Variants in BDH2 observed in about 807,000 individuals in gnomAD.
The protein encoded by BDH2 is 3-hydroxybutyrate dehydrogenase 2.
BDH2 carries 24 observed loss-of-function variants against 33.2 expected under a neutral mutation model. The ratio of observed to expected loss-of-function variants is 0.72; its 90% CI spans 0.52 to 1.02. BDH2 has a LOEUF of 1.02. BDH2 is among the 50% of genes least tolerant of loss of function. BDH2 has a pLI of 0.00. For synonymous variants in BDH2, 81 were observed against 101.6 expected (o/e 0.80, Z 1.22); for missense variants, 249 against 301.6 (o/e 0.83, Z 1.29).
chr4:103,091,718 C>T (rs1748103415), intron 4 of BDH2: 1 of 455,936 alleles, frequency 2.2e-6, no homozygotes. Context: ...GCCCTCTAGC[C>T]TGGGGAACCA....
At chr4:103,089,338 G>A (rs736048) in intron 5 of BDH2, among the ~76,000 whole-genome samples, 30,386 of 152,018 alleles carry the variant, frequency 0.2, 3,280 homozygotes, top group African/African-American at 0.29. Context: ...GCCAATTAGG[G>A]GCAGGGCGCA....
At position 103,078,514 on chromosome 4, in the gene BDH2, G is replaced by C. The variant is rs1747347000; in HGVS notation, c.*1188C>G. Among the ~76,000 whole-genome samples the C allele has an allele frequency of 6.6e-6, 1 of 152,112 alleles. No individual in the cohort carries two copies. Among genetic ancestry groups the C allele is most frequent in the Non-Finnish European group, 1.5e-5 (1 of 68,016 alleles). ...AATAAAGATTGTTTAGTTAGACTAA[G>C]AAAATAGTAAATAATAAGGGATGGC... On this transcript the variant is annotated 3_prime_UTR_variant, in exon 10 of 10. Coordinates refer to ENST00000296424, the MANE Select transcript of BDH2 (RefSeq NM_020139.4).
At chr4:103,083,056 G>T in intron 7 of BDH2, 127 bp from the exon 8 acceptor site, 1 of 810,410 alleles carries the variant, frequency 1.2e-6, no homozygotes, top group East Asian at 2.4e-5. Flanking sequence ...CAACTTTACA[G>T]CTGCCTGCCT....
At chr4:103,097,529 C>G (rs1192338724) in intron 1 of BDH2, 2 of 152,252 alleles carry the variant, frequency 1.3e-5, no homozygotes, top group South Asian at 2.1e-4. Flanking sequence ...TGCCTCTGAC[C>G]TCATACGAAC....
At chr4:103,080,474 TCAAA>T (rs1158461062) in intron 9 of BDH2, among the ~76,000 whole-genome samples, 1 of 152,154 alleles carries the variant, frequency 6.6e-6, no homozygotes, top group East Asian at 1.9e-4. Flanking sequence ...TAATAAAGAC[TCAAA>T]CAGTCTAAAT....
At chr4:103,080,450 T>C (rs1397319502) in intron 9 of BDH2, among the ~76,000 whole-genome samples, 1 of 152,226 alleles carries the variant, frequency 6.6e-6, no homozygotes, top group Non-Finnish European at 1.5e-5. Context: ...AAAAATCTTT[T>C]AACTTAAAAT....
intron 6 of BDH2, chr4:103,085,989 CTCAGA>C (rs1747759819): frequency 1.7e-6 from 2 of 1,163,060 alleles, no homozygotes; most frequent in Admixed American, 8.7e-5. Flanking sequence ...TTGCTGATGG[CTCAGA>C]TCAACTGTCT....
chr4:103,083,069 G>A (rs1263319137), intron 7 of BDH2, 140 bp from the exon 8 acceptor site: 1 of 722,126 alleles, frequency 1.4e-6, no homozygotes, highest in Middle Eastern at 2.4e-4. Flanking sequence ...GCCTGCCTGA[G>A]GCCTCTTATT....
rs373958174 is a variant in BDH2, at chr4:103,082,141, C to A, written c.624G>T (p.Thr208=). 1.2e-6 allele frequency: 2 copies of A among 1,614,174 alleles called. No homozygotes were observed. The highest frequency in any genetic ancestry group is 1.7e-6 in the Non-Finnish European group (2 of 1,180,022). Residue 208 remains threonine, a synonymous_variant, in exon 9 of 10, where the codon ACG becomes ACT. Coordinates refer to ENST00000296424, the MANE Select transcript of BDH2 (RefSeq NM_020139.4). ...TTTCTTCTGCAGTTGCGAATCTTCC[C>A]GTCTTTTGTCTCTTCAGGAAATCAT... ...ARNDFLKRQK[T]GRFATAEEIA...
intron 2 of BDH2, 22 bp from the exon 3 acceptor site, chr4:103,095,303 T>A (rs754336832): frequency 6.3e-7 from 1 of 1,585,254 alleles, no homozygotes; most frequent in African/African-American, 1.3e-5. Context: ...AAAGTACAAA[T>A]AAATCCTTTG....
At chr4:103,094,506 T>C (rs576947815) in intron 3 of BDH2, among the ~76,000 whole-genome samples, 1 of 152,284 alleles carries the variant, frequency 6.6e-6, no homozygotes, top group South Asian at 2.1e-4. Context: ...TTTCACAAGG[T>C]ATTTTACAAC....
chr4:103,093,602 A>G (rs1280488408), intron 3 of BDH2, among the ~76,000 whole-genome samples: 3 of 147,940 alleles, frequency 2.0e-5, no homozygotes, highest in East Asian at 3.9e-4. Context: ...TATACAATGT[A>G]TTAATATGTA....
At chr4:103,090,084 T>A (rs12508128) in intron 5 of BDH2, among the ~76,000 whole-genome samples, 26,231 of 152,140 alleles carry the variant, frequency 0.17, 2,419 homozygotes, top group Non-Finnish European at 0.2. Flanking sequence ...GGACAGGACA[T>A]CAAATCCAGC....
intron 5 of BDH2, among the ~76,000 whole-genome samples, chr4:103,088,468 G>A (rs551255923): frequency 1.6e-4 from 24 of 152,242 alleles, no homozygotes; most frequent in Non-Finnish European, 3.2e-4. Context: ...AAGTTCAACC[G>A]AGGTCCCTCT....
At position 103,086,486 on chromosome 4, in the gene BDH2, C is replaced by T. The variant is rs140766378; in HGVS notation, c.412G>A (p.Val138Ile). ...CGGAAGGAGACAGACCCACCTTTGA[C>T]GCTGGAAGCCACAGAAGACATGTTG... ...IINMSSVASS[V>I]KGVVNRCVYS... The change falls in exon 6 of 10, where the codon GTC becomes ATC. Residue 138 changes from valine (V) to isoleucine (I), a missense_variant. Coordinates refer to ENST00000296424, the MANE Select transcript of BDH2 (RefSeq NM_020139.4). The T allele has an allele frequency of 6.2e-4, 992 of 1,612,692 alleles. 15 individuals carry two copies. In the East Asian group the frequency reaches 0.015, roughly 25 times the overall value.
At chr4:103,091,115 T>C in intron 5 of BDH2, 62 bp downstream of exon 5, 3 of 992,892 alleles carry the variant, frequency 3.0e-6, no homozygotes, top group Non-Finnish European at 4.7e-6. Flanking sequence ...GAATCCCTTC[T>C]GTGTGCCCAG....
chr4:103,083,901 G>A (rs1282255328), intron 7 of BDH2, among the ~76,000 whole-genome samples: 2 of 152,118 alleles, frequency 1.3e-5, no homozygotes, highest in African/African-American at 4.8e-5. Flanking sequence ...CCCCTCTTTA[G>A]GTTGGTTATC....
Position 103,079,503 on chromosome 4 carries a change from C to A in BDH2, c.*199G>T. 1.8e-6 allele frequency: 1 copy of A among 552,556 alleles called. No individual in the cohort carries two copies. Among genetic ancestry groups the A allele is most frequent in the Non-Finnish European group, 3.2e-6 (1 of 312,378 alleles). The allele number at this position is 552,556 out of a possible 1,614,324, so 34.2% of individuals were successfully genotyped here. A position where few individuals can be genotyped will look rare whatever the true frequency, so the allele number is the denominator to read the frequency against. On this transcript the variant is annotated 3_prime_UTR_variant, in exon 10 of 10. Transcript: ENST00000296424. ...TGAGTTCAATATTTTTATTTCTTTA[C>A]AATGATTTCAGAAGAGATTACAAAG...
chr4:103,089,115 T>G (rs1747946812), intron 5 of BDH2, among the ~76,000 whole-genome samples: 1 of 152,212 alleles, frequency 6.6e-6, no homozygotes, highest in Non-Finnish European at 1.5e-5. Flanking sequence ...TGAGTGTTCC[T>G]ATGTTCTGAC....
Sources: gnomAD v4.1 joint callset for allele counts (sites outside exome capture counted in the v4.1 genomes callset) on GRCh38, gnomAD v4.1.1 for gene constraint, MANE v1.5 for transcripts, NCBI Gene and HGNC (gene_info 2026-07-23, HGNC 2026-07-21) for gene names.